Variants in LIPA observed in about 807,000 individuals in gnomAD.
LIPA encodes the protein lysosomal acid lipase/cholesteryl ester hydrolase.
A neutral mutation model predicts 40.6 loss-of-function variants in LIPA; 26 were observed. That is an observed-to-expected ratio of 0.64 (90% confidence interval 0.47 to 0.89). The LOEUF is 0.89. Among genes scored for constraint, LIPA ranks in the 40% least tolerant of loss-of-function variants. The pLI, the probability that LIPA is intolerant of heterozygous loss-of-function variation, is 0.00. For synonymous variants in LIPA, 188 were observed against 168.4 expected (o/e 1.12, Z -0.90); for missense variants, 455 against 479.6 (o/e 0.95, Z 0.48).
intron 1 of LIPA, chr10:89,339,697 T>A: frequency 6.2e-7 from 1 of 1,614,140 alleles, no homozygotes; most frequent in Non-Finnish European, 8.5e-7. Context: ...TCAGACACCA[T>A]TCAATAAGGA....
At position 89,250,938 on chromosome 10, in the gene LIPA, C is replaced by T. The variant is rs770832700; in HGVS notation, c.-2+799G>A. On this transcript the variant is annotated intron_variant, in intron 1 of 9. Transcript: ENST00000336233. ...TATCTCAGTTATTTAGACTTTGTAA[C>T]AATCTGACTCAGCTTTGTACCCCCA... Among the ~76,000 whole-genome samples, 5 of 152,286 alleles carry T rather than the reference C, an allele frequency of 3.3e-5. No individual in the cohort carries two copies. The East Asian group carries it at 9.6e-4, about 29-fold the overall frequency.
At chr10:89,386,045 T>C (rs985626171) in intron 2 of LIPA, among the ~76,000 whole-genome samples, 1 of 152,234 alleles carries the variant, frequency 6.6e-6, no homozygotes, top group Non-Finnish European at 1.5e-5. Context: ...ATTTATTTAT[T>C]AGAGGCAGGG....
intron 1 of LIPA, among the ~76,000 whole-genome samples, chr10:89,272,539 T>C (rs1252677604): frequency 6.6e-6 from 1 of 152,248 alleles, no homozygotes; most frequent in Non-Finnish European, 1.5e-5. Context: ...CTATTGTGAA[T>C]AGTGCTGCAA....
rs1411116126 is a variant in LIPA at position 89,348,802 on chromosome 10, C to A, written c.61+63989G>T. ...CTTGAGATTTTCCTTTATTTCCATG[C>A]CTGCGTGGGGGTCCTGGCAGGCCAC... On this transcript the variant is annotated intron_variant, in intron 2 of 8. Transcript: ENST00000371837. 3.3e-5 allele frequency among the ~76,000 whole-genome samples: 5 copies of A among 152,304 alleles called. No homozygotes were observed. The East Asian group carries it at 9.6e-4, about 29-fold the overall frequency.
intron 1 of LIPA, chr10:89,308,416 G>A (rs535300863): frequency 1.3e-5 from 2 of 152,212 alleles, no homozygotes; most frequent in South Asian, 4.1e-4. Flanking sequence ...GGAACCTGGT[G>A]ACTAAGGGCC....
chr10:89,364,012 C>T (rs1039774028), intron 2 of LIPA, among the ~76,000 whole-genome samples: 2 of 152,090 alleles, frequency 1.3e-5, no homozygotes, highest in African/African-American at 2.4e-5. Flanking sequence ...TGGCCTGAAC[C>T]CTGTCTTTTG....
intron 1 of LIPA, among the ~76,000 whole-genome samples, chr10:89,336,784 C>A (rs774079347): frequency 3.9e-5 from 6 of 152,066 alleles, no homozygotes; most frequent in Non-Finnish European, 5.9e-5. Context: ...TCTGTGAAAT[C>A]CAAAAATAAG....
intron 3 of LIPA, among the ~76,000 whole-genome samples, chr10:89,233,877 C>CA (rs1204349563): frequency 6.6e-6 from 1 of 152,074 alleles, no homozygotes; most frequent in South Asian, 2.1e-4. Flanking sequence ...CCCCACCCCC[C>CA]ACAAAATAAA....
At chr10:89,322,566 C>T (rs1294387358) in intron 1 of LIPA, among the ~76,000 whole-genome samples, 5 of 134,348 alleles carry the variant, frequency 3.7e-5, no homozygotes, top group Non-Finnish European at 8.0e-5. Flanking sequence ...CCCCTGCCCA[C>T]CCCCGACCCC....
chr10:89,327,120 C>A (rs867163044), intron 1 of LIPA, among the ~76,000 whole-genome samples: 1 of 152,136 alleles, frequency 6.6e-6, no homozygotes, highest in South Asian at 2.1e-4. Flanking sequence ...TTGGAGACAT[C>A]CAATAGAAAT....
At chr10:89,350,849 A>G (rs1843954794) in intron 2 of LIPA, among the ~76,000 whole-genome samples, 1 of 152,208 alleles carries the variant, frequency 6.6e-6, no homozygotes, top group Non-Finnish European at 1.5e-5. Context: ...AAGGCTTACT[A>G]GCCACAGAAA....
At chr10:89,260,630 A>T (rs1190842962) in intron 1 of LIPA, among the ~76,000 whole-genome samples, 1 of 152,176 alleles carries the variant, frequency 6.6e-6, no homozygotes, top group African/African-American at 2.4e-5. Context: ...ATGGGGCCTC[A>T]GAGTCTCACA....
intron 1 of LIPA, chr10:89,293,675 G>A (rs1843390447): frequency 1.2e-5 from 1 of 85,758 alleles, no homozygotes; most frequent in Non-Finnish European, 2.8e-5. Context: ...TCCTCTGTGT[G>A]AGATGAGAGA....
chr10:89,403,707 C>A, intron 2 of LIPA: 1 of 1,537,462 alleles, frequency 6.5e-7, no homozygotes, highest in Non-Finnish European at 8.8e-7. Context: ...GAGACAAGGT[C>A]CTTAGGCACC....
At chr10:89,293,902 T>C (rs1360238266) in intron 1 of LIPA, among the ~76,000 whole-genome samples, 1 of 152,040 alleles carries the variant, frequency 6.6e-6, no homozygotes. Context: ...GGGAAAGGAG[T>C]TGGGAACTCA....
In LIPA at chr10:89,215,004, C is replaced by T. The variant is rs776472526; in HGVS notation, c.1024G>A (p.Gly342Arg). Residue 342 changes from glycine (G) to arginine (R), a missense_variant, in exon 10 of 10, where the codon GGG becomes AGG. Transcript: ENST00000336233. ...DMLVPTAVWS[G>R]GHDWLADVYD... ...ACATCTGCAAGCCAGTCGTGACCCC[C>T]GCTCCAGACTGCAGTCGGCACAAGC... The T allele has an allele frequency of 8.1e-6, 13 of 1,614,010 alleles. No homozygotes were observed. Among genetic ancestry groups the T allele is most frequent in the African/African-American group, 5.3e-5 (4 of 74,918 alleles).
intron 1 of LIPA, chr10:89,339,277 T>A: frequency 6.2e-7 from 1 of 1,614,150 alleles, no homozygotes; most frequent in South Asian, 1.1e-5. Flanking sequence ...TGATAACCAA[T>A]ACGTCAAGGT....
intron 1 of LIPA, chr10:89,340,761 A>T (rs1211869097): frequency 1.3e-5 from 2 of 152,120 alleles, no homozygotes; most frequent in African/African-American, 4.8e-5. Context: ...ATAAATGGTG[A>T]CTGCCTAACA....
At chr10:89,284,681 T>G (rs1843332478) in intron 1 of LIPA, 1 of 152,208 alleles carries the variant, frequency 6.6e-6, no homozygotes, top group Admixed American at 6.5e-5. Flanking sequence ...ATTAAAATAT[T>G]TAAACATTAT....
Sources: allele counts gnomAD v4.1 joint callset (sites outside exome capture counted in the v4.1 genomes callset), GRCh38; gene constraint gnomAD v4.1.1; transcripts MANE v1.5; gene names NCBI Gene and HGNC (gene_info 2026-07-23, HGNC 2026-07-21).